CNTN5: variants seen among roughly 807,000 people sequenced by gnomAD.
CNTN5 encodes the protein contactin-5.
Under a neutral mutation model 129.1 loss-of-function variants are expected in CNTN5, and 77 were observed. The ratio of observed to expected loss-of-function variants is 0.60; its 90% confidence interval spans 0.50 to 0.72. The LOEUF (loss-of-function observed/expected upper bound fraction) is 0.72, where lower values mean the gene tolerates loss of function less well. Among genes scored for constraint, CNTN5 ranks in the 30% least tolerant of loss-of-function variants. CNTN5 has a pLI of 0.00. For missense variants in CNTN5, 1,478 were observed against 1,328.8 expected (o/e 1.11, Z -1.75); for synonymous variants, 509 against 465.6 (o/e 1.09, Z -1.20).
At chr11:99,053,323 G>T (rs1864500667) in intron 1 of CNTN5, among the ~76,000 whole-genome samples, 3 of 151,950 alleles carry the variant, frequency 2.0e-5, no homozygotes, top group South Asian at 4.1e-4. Flanking sequence ...TCATAGGAAA[G>T]AAAAAAATAA....
At chr11:99,661,465 TTAA>T (rs1314742091) in intron 3 of CNTN5, among the ~76,000 whole-genome samples, 4 of 152,046 alleles carry the variant, frequency 2.6e-5, no homozygotes, top group African/African-American at 2.4e-5. Flanking sequence ...AAGCAATCAC[TTAA>T]TAATGGGTTA....
chr11:99,656,167 C>G (rs928489765), intron 3 of CNTN5, among the ~76,000 whole-genome samples: 2 of 152,064 alleles, frequency 1.3e-5, no homozygotes, highest in Admixed American at 6.6e-5. Context: ...TAATTCCTGT[C>G]TTTACATCCT....
chr11:100,093,571 T>C (rs915819538), intron 13 of CNTN5, among the ~76,000 whole-genome samples: 1 of 152,182 alleles, frequency 6.6e-6, no homozygotes, highest in Non-Finnish European at 1.5e-5. Context: ...CTGGCCCAAG[T>C]TGCAAGTTTT....
intron 2 of CNTN5, among the ~76,000 whole-genome samples, chr11:99,366,697 G>T (rs184460240): frequency 6.6e-6 from 1 of 152,138 alleles, no homozygotes; most frequent in African/African-American, 2.4e-5. Context: ...CAGGGAGTTG[G>T]CATCTCTCTA....
intron 6 of CNTN5, among the ~76,000 whole-genome samples, chr11:99,891,534 T>C (rs965271387): frequency 7.9e-5 from 12 of 151,782 alleles, no homozygotes; most frequent in African/African-American, 2.9e-4. Context: ...TCTGTGTCCA[T>C]GTGTTCTCAT....
At chr11:100,168,450 G>A (rs1177407982) in intron 13 of CNTN5, among the ~76,000 whole-genome samples, 1 of 151,928 alleles carries the variant, frequency 6.6e-6, no homozygotes, top group Non-Finnish European at 1.5e-5. Context: ...GGGCTCTTGA[G>A]AATTATGCTA....
rs1036452057 is a variant in CNTN5, at chr11:100,271,270, T to C, written c.2314+29T>C. ...AAAATTTGGAAGAGTCAGATTGGAT[T>C]TGGTATGCTTCTAATCGTCTTGAAA... On this transcript the variant is annotated intron_variant, in intron 18 of 24. Transcript: ENST00000524871. 6 of 1,557,414 alleles carry C rather than the reference T, an allele frequency of 3.9e-6. No individual in the cohort carries two copies. The African/African-American group carries it at 8.2e-5, about 21-fold the overall frequency.
intron 2 of CNTN5, among the ~76,000 whole-genome samples, chr11:99,553,641 C>T (rs986638333): frequency 4.0e-5 from 6 of 151,682 alleles, no homozygotes; most frequent in Admixed American, 2.0e-4. Context: ...AAATATGATA[C>T]GTAAGTGAGG....
intron 1 of CNTN5, among the ~76,000 whole-genome samples, chr11:99,136,782 TTG>T (rs1491018902): frequency 3.4e-5 from 1 of 29,104 alleles, no homozygotes; most frequent in East Asian, 0.01. Context: ...AGGACATGGG[TTG>T]TTTTAATGGA....
intron 3 of CNTN5, among the ~76,000 whole-genome samples, chr11:99,727,044 C>T (rs1201062175): frequency 6.6e-6 from 1 of 151,404 alleles, no homozygotes; most frequent in African/African-American, 2.4e-5. Context: ...CGGTGGCTCA[C>T]GCCTGTAATC....
chr11:99,319,651 T>C (rs956232828), intron 1 of CNTN5, among the ~76,000 whole-genome samples: 1 of 152,194 alleles, frequency 6.6e-6, no homozygotes. Flanking sequence ...TTGACATCAA[T>C]TAGTTTCATG....
chr11:99,122,357 T>G, intron 1 of CNTN5, among the ~76,000 whole-genome samples: 1 of 152,272 alleles, frequency 6.6e-6, no homozygotes, highest in Non-Finnish European at 1.5e-5. Flanking sequence ...TTCTTTGTAT[T>G]AATAAACAAT....
At chr11:99,396,184 T>TA (rs1295563001) in intron 2 of CNTN5, among the ~76,000 whole-genome samples, 1 of 62 alleles carries the variant, frequency 0.016, no homozygotes, top group African/African-American at 0.071. Flanking sequence ...TCATGGAATG[T>TA]TTTTTTCATT....
intron 9 of CNTN5, among the ~76,000 whole-genome samples, chr11:100,057,317 C>CA (rs544347417): frequency 6.7e-6 from 1 of 149,194 alleles, no homozygotes; most frequent in Non-Finnish European, 1.5e-5. Context: ...TGAATTACAA[C>CA]AAAAAAGTAA....
chr11:99,120,863 T>C (rs892126371), intron 1 of CNTN5, among the ~76,000 whole-genome samples: 5 of 152,170 alleles, frequency 3.3e-5, no homozygotes, highest in Non-Finnish European at 4.4e-5. Flanking sequence ...TTGGGTTAAT[T>C]AATAATTTAT....
At chr11:99,718,349 A>T (rs539841349) in intron 3 of CNTN5, among the ~76,000 whole-genome samples, 1 of 152,260 alleles carries the variant, frequency 6.6e-6, no homozygotes, top group East Asian at 1.9e-4. Flanking sequence ...ATATATTGTT[A>T]TCCTACAAAT....
intron 1 of CNTN5, among the ~76,000 whole-genome samples, chr11:99,099,072 G>A (rs1041586833): frequency 2.0e-5 from 3 of 152,068 alleles, no homozygotes; most frequent in Non-Finnish European, 2.9e-5. Context: ...TATTTTGCAT[G>A]GGCCAGCTGT....
chr11:100,245,660 G>T (rs910342725), intron 16 of CNTN5, among the ~76,000 whole-genome samples: 3 of 152,052 alleles, frequency 2.0e-5, no homozygotes, highest in South Asian at 2.1e-4. Flanking sequence ...ATTTGCCCCT[G>T]CTCATAATTT....
At chr11:99,516,230 G>A (rs1004196719) in intron 2 of CNTN5, among the ~76,000 whole-genome samples, 11 of 151,964 alleles carry the variant, frequency 7.2e-5, no homozygotes, top group African/African-American at 2.4e-4. Context: ...GGAAGATCTA[G>A]CAATAAAAAT....
Sources: gnomAD v4.1 joint callset for allele counts (sites outside exome capture counted in the v4.1 genomes callset) on GRCh38, gnomAD v4.1.1 for gene constraint, MANE v1.5 for transcripts, NCBI Gene and HGNC (gene_info 2026-07-23, HGNC 2026-07-21) for gene names.